The following CSMD1 variants were observed in gnomAD, a reference collection of about 807,000 sequenced individuals.
CSMD1 encodes the protein CUB and sushi domain-containing protein 1.
In CSMD1, 213 loss-of-function variants were observed where a neutral mutation model predicts 417.5. The observed-to-expected ratio is 0.51, with a 90% CI of 0.46 to 0.57. The LOEUF (loss-of-function observed/expected upper bound fraction) is 0.57, where lower values mean the gene tolerates loss of function less well. Ranked by LOEUF, CSMD1 falls within the 20% of genes least tolerant of loss-of-function variation. The probability of loss-of-function intolerance (pLI) is 0.00; values close to 1 mark genes in which losing one functional copy is unlikely to be tolerated. For missense variants in CSMD1, 6,923 were observed against 4,529.7 expected, an observed-to-expected ratio of 1.53 and a Z score of -15.17; for synonymous variants, 2,862 against 1,736.8, an observed-to-expected ratio of 1.65 and a Z score of -16.11.
intron 51 of CSMD1, among the ~76,000 whole-genome samples, chr8:3,024,491 G>A (rs1354392491): frequency 1.3e-5 from 2 of 152,134 alleles, no homozygotes; most frequent in East Asian, 3.9e-4. Flanking sequence ...TTTTTTAGTA[G>A]AGACAGGGTT....
intron 5 of CSMD1, among the ~76,000 whole-genome samples, chr8:3,936,822 A>T (rs1245331367): frequency 6.6e-6 from 1 of 152,204 alleles, no homozygotes; most frequent in Non-Finnish European, 1.5e-5. Context: ...TCATAAGGCT[A>T]TTGCTGCATG....
At chr8:4,690,821 CG>C (rs1806719854) in intron 1 of CSMD1, among the ~76,000 whole-genome samples, 1 of 152,044 alleles carries the variant, frequency 6.6e-6, no homozygotes, top group South Asian at 2.1e-4. Flanking sequence ...CTCTTCCTGC[CG>C]GGTTCAAGCA....
intron 1 of CSMD1, among the ~76,000 whole-genome samples, chr8:4,789,239 C>A (rs184049873): frequency 6.6e-6 from 1 of 152,194 alleles, no homozygotes; most frequent in Non-Finnish European, 1.5e-5. Flanking sequence ...TATCCTGCCA[C>A]TGTTTCTCAT....
At chr8:4,388,562 G>C (rs148349362) in intron 3 of CSMD1, among the ~76,000 whole-genome samples, 1 of 150,526 alleles carries the variant, frequency 6.6e-6, no homozygotes, top group Non-Finnish European at 1.5e-5. Flanking sequence ...GGGAAGGGTG[G>C]GGGGGTGATG....
At chr8:4,424,548 A>G (rs1416357171) in intron 2 of CSMD1, among the ~76,000 whole-genome samples, 2 of 152,086 alleles carry the variant, frequency 1.3e-5, no homozygotes, top group African/African-American at 4.8e-5. Context: ...TAATGACAAC[A>G]TCACATGCTG....
intron 5 of CSMD1, among the ~76,000 whole-genome samples, chr8:3,879,270 T>A (rs998711316): frequency 1.3e-5 from 2 of 152,156 alleles, no homozygotes; most frequent in Non-Finnish European, 2.9e-5. Flanking sequence ...ATACTGTTCA[T>A]CAATATGTAT....
chr8:3,687,481 G>T (rs900238045), intron 7 of CSMD1, among the ~76,000 whole-genome samples: 3 of 152,176 alleles, frequency 2.0e-5, no homozygotes, highest in Admixed American at 6.5e-5. Flanking sequence ...AAAACAGTAA[G>T]ATCTATTTAC....
chr8:3,812,887 C>A (rs1225947328), intron 5 of CSMD1, among the ~76,000 whole-genome samples: 1 of 152,158 alleles, frequency 6.6e-6, no homozygotes, highest in Non-Finnish European at 1.5e-5. Flanking sequence ...TAATGACATG[C>A]CAGCTCTTTC....
intron 3 of CSMD1, among the ~76,000 whole-genome samples, chr8:4,382,206 C>T (rs189294428): frequency 3.9e-5 from 6 of 152,260 alleles, no homozygotes; most frequent in Admixed American, 3.3e-4. Context: ...ATATCCCCTT[C>T]AAATGGAAAC....
intron 3 of CSMD1, among the ~76,000 whole-genome samples, chr8:4,323,053 C>T (rs1030648840): frequency 6.6e-6 from 1 of 152,040 alleles, no homozygotes; most frequent in Non-Finnish European, 1.5e-5. Flanking sequence ...AGATTTTGAC[C>T]AGCCTACAAA....
intron 3 of CSMD1, among the ~76,000 whole-genome samples, chr8:4,229,871 G>T (rs778390812): frequency 1.3e-5 from 2 of 152,130 alleles, no homozygotes; most frequent in African/African-American, 2.4e-5. Flanking sequence ...TTCTGCCCCA[G>T]TGTTGAAATC....
At chr8:4,666,670 TAAAC>T (rs980717295) in intron 1 of CSMD1, among the ~76,000 whole-genome samples, 21 of 152,224 alleles carry the variant, frequency 1.4e-4, no homozygotes, top group African/African-American at 4.3e-4. Context: ...TAACTGTAAT[TAAAC>T]AAAGTGTCCA....
chr8:4,887,982 T>G (rs1324619289), intron 1 of CSMD1, among the ~76,000 whole-genome samples: 2 of 152,070 alleles, frequency 1.3e-5, no homozygotes, highest in Admixed American at 1.3e-4. Flanking sequence ...AAATCCAGTC[T>G]AACAATATAG....
chr8:4,403,758 C>G (rs1291513885), intron 3 of CSMD1, among the ~76,000 whole-genome samples: 1 of 152,160 alleles, frequency 6.6e-6, no homozygotes, highest in East Asian at 1.9e-4. Flanking sequence ...GCTAGCAACT[C>G]CACTTACGTT....
At chr8:4,731,393 G>A (rs567358637) in intron 1 of CSMD1, among the ~76,000 whole-genome samples, 3 of 152,022 alleles carry the variant, frequency 2.0e-5, no homozygotes, top group Admixed American at 2.0e-4. Flanking sequence ...CCCCACCTGT[G>A]CAAGTACTTT....
chr8:3,740,624 T>A (rs369218212), intron 6 of CSMD1, among the ~76,000 whole-genome samples: 8 of 152,216 alleles, frequency 5.3e-5, no homozygotes, highest in African/African-American at 1.9e-4. Context: ...GATTTGATGC[T>A]GGTAAAGAGA....
At chr8:4,426,111 C>A (rs1797538104) in intron 2 of CSMD1, among the ~76,000 whole-genome samples, 1 of 151,472 alleles carries the variant, frequency 6.6e-6, no homozygotes, top group African/African-American at 2.4e-5. Flanking sequence ...ATCTTATCGC[C>A]TATGGATGTG....
intron 68 of CSMD1, among the ~76,000 whole-genome samples, chr8:2,946,472 G>C (rs1323208383): frequency 1.3e-5 from 2 of 152,162 alleles, no homozygotes; most frequent in Non-Finnish European, 2.9e-5. Context: ...GACATCTCCT[G>C]TAATGGATTC....
intron 3 of CSMD1, among the ~76,000 whole-genome samples, chr8:4,033,470 A>C (rs1797462794): frequency 6.6e-6 from 1 of 152,076 alleles, no homozygotes; most frequent in African/African-American, 2.4e-5. Context: ...CAATAAAAAA[A>C]CCTTTGATTC....
Sources: allele counts gnomAD v4.1 joint callset (sites outside exome capture counted in the v4.1 genomes callset), GRCh38; gene constraint gnomAD v4.1.1; transcripts MANE v1.5; gene names NCBI Gene and HGNC (gene_info 2026-07-23, HGNC 2026-07-21).